Variants in AXDND1 observed in about 807,000 individuals in gnomAD.
AXDND1 encodes the protein axonemal dynein light chain domain containing 1.
In AXDND1, 110 loss-of-function variants were observed where a neutral mutation model predicts 137.5. The ratio of observed to expected loss-of-function variants is 0.80; its 90% CI spans 0.69 to 0.94. AXDND1 has a LOEUF of 0.94. AXDND1 is among the 40% of genes least tolerant of loss of function. The pLI, the probability that AXDND1 is intolerant of heterozygous loss-of-function variation, is 0.00. For synonymous variants in AXDND1, 414 were observed against 399.7 expected (o/e 1.04, Z -0.43); for missense variants, 1,191 against 1,169.8 (o/e 1.02, Z -0.26).
intron 16 of AXDND1, among the ~76,000 whole-genome samples, chr1:179,458,863 A>T (rs574023207): frequency 3.5e-5 from 5 of 144,648 alleles, no homozygotes; most frequent in South Asian, 2.2e-4. Flanking sequence ...CAACATTTTT[A>T]TTTTTTTTTT....
chr1:179,552,797 G>A, intron 25 of AXDND1: 2 of 786,606 alleles, frequency 2.5e-6, no homozygotes, highest in Non-Finnish European at 4.4e-6. Context: ...CAAATTTGGA[G>A]TGACCAGAGT....
chr1:179,538,042 C>T (rs914977307), intron 25 of AXDND1, among the ~76,000 whole-genome samples: 1 of 152,100 alleles, frequency 6.6e-6, no homozygotes, highest in Non-Finnish European at 1.5e-5. Context: ...GGTGATATCC[C>T]CTTTATCATT....
intron 6 of AXDND1, 91 bp from the exon 7 acceptor site, chr1:179,382,609 G>C: frequency 1.1e-6 from 1 of 875,324 alleles, no homozygotes; most frequent in Non-Finnish European, 1.8e-6. Flanking sequence ...ATGGTACTTA[G>C]AAACCAAGAT....
At chr1:179,381,268 C>T (rs1648249840) in intron 6 of AXDND1, among the ~76,000 whole-genome samples, 1 of 151,656 alleles carries the variant, frequency 6.6e-6, no homozygotes, top group South Asian at 2.1e-4. Flanking sequence ...TCTCGAACTC[C>T]TGACCTCAGG....
At chr1:179,469,418 A>G (rs1010960600) in intron 17 of AXDND1, among the ~76,000 whole-genome samples, 10 of 152,292 alleles carry the variant, frequency 6.6e-5, no homozygotes, top group African/African-American at 2.4e-4. Context: ...CCATTGATAG[A>G]CACTTGGATT....
chr1:179,504,697 C>T (rs1392159684), intron 20 of AXDND1, among the ~76,000 whole-genome samples: 1 of 151,862 alleles, frequency 6.6e-6, no homozygotes, highest in Non-Finnish European at 1.5e-5. Context: ...GACTGGATGC[C>T]CATAACCTGA....
intron 16 of AXDND1, among the ~76,000 whole-genome samples, chr1:179,460,337 C>G (rs1165487639): frequency 3.3e-5 from 5 of 152,116 alleles, no homozygotes; most frequent in African/African-American, 1.2e-4. Context: ...ATGATGGTTT[C>G]CAGCTTCATC....
intron 9 of AXDND1, among the ~76,000 whole-genome samples, chr1:179,387,063 T>C (rs550063311): frequency 6.6e-6 from 1 of 152,286 alleles, no homozygotes; most frequent in South Asian, 2.1e-4. Context: ...TAGATAACTT[T>C]TAGTGGTTTT....
chr1:179,400,827 C>T (rs112143721), intron 11 of AXDND1, among the ~76,000 whole-genome samples: 2 of 137,496 alleles, frequency 1.5e-5, no homozygotes, highest in South Asian at 4.7e-4. Flanking sequence ...ATGGCGTGAA[C>T]CCAGGAGGCA....
chr1:179,414,636 A>T (rs528951159), intron 12 of AXDND1, among the ~76,000 whole-genome samples: 1 of 152,198 alleles, frequency 6.6e-6, no homozygotes, highest in Non-Finnish European at 1.5e-5. Flanking sequence ...CGTGTTAGCC[A>T]GGATGGTCTC....
At chr1:179,397,662 T>C (rs1651282569) in intron 11 of AXDND1, among the ~76,000 whole-genome samples, 1 of 152,210 alleles carries the variant, frequency 6.6e-6, no homozygotes, top group South Asian at 2.1e-4. Context: ...ATCCCACATT[T>C]CTCCAAGGTT....
intron 17 of AXDND1, among the ~76,000 whole-genome samples, chr1:179,482,568 G>A (rs1431076575): frequency 6.6e-6 from 1 of 152,144 alleles, no homozygotes; most frequent in African/African-American, 2.4e-5. Flanking sequence ...CTGAGCTAAG[G>A]AGAGGAAGGA....
At chr1:179,458,193 G>T (rs1002795289) in intron 16 of AXDND1, among the ~76,000 whole-genome samples, 4 of 152,046 alleles carry the variant, frequency 2.6e-5, no homozygotes, top group Admixed American at 1.3e-4. Flanking sequence ...ATATTGTCCA[G>T]GCTGGTCTCA....
intron 18 of AXDND1, 85 bp downstream of exon 18, chr1:179,483,306 A>C: frequency 2.3e-6 from 2 of 865,332 alleles, no homozygotes; most frequent in Non-Finnish European, 3.5e-6. Flanking sequence ...TCCCTATTTA[A>C]ATGAAGCAGG....
At chr1:179,549,379 C>T (rs767590242) in intron 25 of AXDND1, among the ~76,000 whole-genome samples, 1 of 152,136 alleles carries the variant, frequency 6.6e-6, no homozygotes, top group Non-Finnish European at 1.5e-5. Flanking sequence ...TGAAAGACAA[C>T]GCATGCCAGC....
chr1:179,455,625 A>G (rs1661282057), intron 16 of AXDND1: 1 of 152,192 alleles, frequency 6.6e-6, no homozygotes, highest in Non-Finnish European at 1.5e-5. Flanking sequence ...TTAAAAAAAA[A>G]ATTTTGGAAG....
intron 18 of AXDND1, among the ~76,000 whole-genome samples, chr1:179,485,369 G>C (rs1016928696): frequency 3.3e-5 from 5 of 152,200 alleles, no homozygotes; most frequent in Admixed American, 1.3e-4. Flanking sequence ...AGATAACAAA[G>C]CTGGGGACCT....
intron 14 of AXDND1, 75 bp downstream of exon 14, chr1:179,430,681 TTCTG>T: frequency 6.8e-7 from 1 of 1,465,434 alleles, no homozygotes; most frequent in Non-Finnish European, 9.3e-7. Flanking sequence ...GTGTTCCTCC[TTCTG>T]TCTTTTACCT....
intron 12 of AXDND1, among the ~76,000 whole-genome samples, chr1:179,417,282 C>T (rs1201252214): frequency 6.6e-6 from 1 of 150,954 alleles, no homozygotes; most frequent in East Asian, 2.0e-4. Flanking sequence ...AATATTTTCT[C>T]TATCTCTGTA....
Sources: gnomAD v4.1 joint callset for allele counts (sites outside exome capture counted in the v4.1 genomes callset) on GRCh38, gnomAD v4.1.1 for gene constraint, MANE v1.5 for transcripts, NCBI Gene and HGNC (gene_info 2026-07-23, HGNC 2026-07-21) for gene names.